PIK3CB: variants seen among roughly 807,000 people sequenced by gnomAD.
PIK3CB encodes the protein phosphatidylinositol-4,5-bisphosphate 3-kinase catalytic subunit beta.
A neutral mutation model predicts 136.8 loss-of-function variants in PIK3CB; 39 were observed. That is an observed-to-expected ratio of 0.29 (90% confidence interval 0.22 to 0.37). The LOEUF is 0.37. Ranked by LOEUF, PIK3CB falls within the 10% of genes least tolerant of loss-of-function variation. PIK3CB has a pLI of 1.00. For synonymous variants in PIK3CB, 428 were observed against 436.6 expected, an observed-to-expected ratio of 0.98 and a Z score of 0.25; for missense variants, 868 against 1,275.4, an observed-to-expected ratio of 0.68 and a Z score of 4.87.
chr3:138,658,304 G>T (rs530369022), intron 21 of PIK3CB, among the ~76,000 whole-genome samples: 59 of 152,132 alleles, frequency 3.9e-4, no homozygotes, highest in African/African-American at 1.3e-3. Context: ...GAAAAAATTA[G>T]TCAGGCATAG....
chr3:138,667,463 G>A (rs937247017), intron 19 of PIK3CB, among the ~76,000 whole-genome samples: 4 of 151,988 alleles, frequency 2.6e-5, no homozygotes, highest in Non-Finnish European at 5.9e-5. Context: ...GAGTGTGTTA[G>A]CATGTATCAC....
At chr3:138,775,886 A>T (rs2045852193) in intron 2 of PIK3CB, among the ~76,000 whole-genome samples, 2 of 152,210 alleles carry the variant, frequency 1.3e-5, no homozygotes, top group South Asian at 4.1e-4. Flanking sequence ...CCTCAAATAT[A>T]GCATTCTTTT....
intron 8 of PIK3CB, among the ~76,000 whole-genome samples, chr3:138,723,657 C>CA (rs1194152206): frequency 6.6e-6 from 1 of 152,118 alleles, no homozygotes; most frequent in Non-Finnish European, 1.5e-5. Context: ...ATTAGGAGAG[C>CA]AAAAGAAGTC....
At chr3:138,830,092 C>G (rs956471872) in intron 1 of PIK3CB, among the ~76,000 whole-genome samples, 1 of 152,070 alleles carries the variant, frequency 6.6e-6, no homozygotes, top group African/African-American at 2.4e-5. Flanking sequence ...AGCCCTGGGG[C>G]ATTAGAATGT....
At chr3:138,784,162 G>C (rs186142008) in intron 2 of PIK3CB, among the ~76,000 whole-genome samples, 37 of 152,286 alleles carry the variant, frequency 2.4e-4, no homozygotes, top group Admixed American at 1.8e-3. Flanking sequence ...AAGACAAGTG[G>C]ATCACCTGAG....
chr3:138,800,483 C>T (rs113161720), intron 1 of PIK3CB, among the ~76,000 whole-genome samples: 32 of 151,464 alleles, frequency 2.1e-4, no homozygotes, highest in East Asian at 3.9e-4. Flanking sequence ...CCACCACACC[C>T]GACTTTTTTT....
In PIK3CB at chr3:138,653,395, T is replaced by C. The variant is rs2043146518; in HGVS notation, c.*1994A>G. The C allele has an allele frequency of 1.7e-5, 3 of 175,124 alleles. No homozygotes were observed. Among genetic ancestry groups the C allele is most frequent in the Non-Finnish European group, 3.7e-5 (3 of 81,174 alleles). 10.8% of individuals were successfully genotyped at this position (175,124 alleles called of 1,614,324 possible). On this transcript the variant is annotated 3_prime_UTR_variant, in exon 24 of 24. Coordinates refer to ENST00000674063, the MANE Select transcript of PIK3CB (RefSeq NM_006219.3). ...CAGGAAAGATACAATTTGGTGCCCA[T>C]ATGGGAAAAACAGTTGACTTGAACT...
chr3:138,691,569 G>GT (rs1197819575), intron 14 of PIK3CB, among the ~76,000 whole-genome samples: 1 of 152,118 alleles, frequency 6.6e-6, no homozygotes, highest in East Asian at 1.9e-4. Context: ...ATAAGAGGTG[G>GT]TTTCCCCTGC....
intron 6 of PIK3CB, 134 bp from the exon 7 acceptor site, chr3:138,734,938 ATTAAAAAAAAAAAATTTTTTTTTTTT>A: frequency 4.0e-6 from 2 of 501,804 alleles, no homozygotes; most frequent in South Asian, 1.7e-4. Context: ...ATATCAAGAA[ATTAAAAAAAAAAAATTTTTTTTTTTT>A]TTTTTTGAGA....
At chr3:138,668,662 G>GC (rs765494582) in intron 19 of PIK3CB, among the ~76,000 whole-genome samples, 200 of 152,310 alleles carry the variant, frequency 1.3e-3, no homozygotes, top group Non-Finnish European at 1.9e-3. Context: ...CAGGTATATA[G>GC]CAAGTTATCT....
Position 138,690,406 on chromosome 3 carries a change from C to T in PIK3CB, c.2036+594G>A, listed in dbSNP as rs114992962. On this transcript the variant is annotated intron_variant, in intron 15 of 23. Transcript: ENST00000674063. ...GTCAGAAATGAGAAATCTATTAATA[C>T]AATTTCCTTAGAAAACAAAGGAATA... is the stretch of plus-strand genomic sequence containing the variant. 7.0e-3 allele frequency among the ~76,000 whole-genome samples: 1,068 copies of T among 151,896 alleles called. 13 individuals are homozygous for T. Among genetic ancestry groups the T allele is most frequent in the African/African-American group, 0.025 (1,020 of 41,458 alleles).
intron 11 of PIK3CB, among the ~76,000 whole-genome samples, chr3:138,705,191 A>AAAAAAAAAAAAAAAC (rs2044350451): frequency 1.1e-5 from 1 of 93,500 alleles, no homozygotes; most frequent in African/African-American, 5.4e-5. Flanking sequence ...CAAAACAAAC[A>AAAAAAAAAAAAAAAC]AAAAAAAAAA....
chr3:138,709,335 A>C (rs1324363292), intron 10 of PIK3CB, among the ~76,000 whole-genome samples: 1 of 149,464 alleles, frequency 6.7e-6, no homozygotes, highest in Non-Finnish European at 1.5e-5. Context: ...GGGGAAAAAC[A>C]GTTCTCTACA....
At chr3:138,706,923 TGGGATTACA>T (rs567818307) in intron 11 of PIK3CB, among the ~76,000 whole-genome samples, 24 of 152,348 alleles carry the variant, frequency 1.6e-4, no homozygotes, top group African/African-American at 5.0e-4. Context: ...CCCAAAGTGC[TGGGATTACA>T]GGCGTGAACC....
intron 19 of PIK3CB, among the ~76,000 whole-genome samples, chr3:138,678,968 A>G: frequency 6.6e-6 from 1 of 152,136 alleles, no homozygotes; most frequent in Non-Finnish European, 1.5e-5. Flanking sequence ...CGGGAGGCTG[A>G]GGTATGAGAA....
At chr3:138,713,071 T>C (rs992422745) in intron 9 of PIK3CB, among the ~76,000 whole-genome samples, 4 of 152,086 alleles carry the variant, frequency 2.6e-5, no homozygotes, top group Admixed American at 2.0e-4. Context: ...GTATCAAAAA[T>C]CTTATAATCA....
chr3:138,779,388 CTT>C lies in PIK3CB; in HGVS notation c.-17+17073_-17+17074del, dbSNP rs753018315. 5.0e-4 allele frequency among the ~76,000 whole-genome samples: 56 copies of C among 112,026 alleles called. 1 individual carries two copies. The highest frequency in any genetic ancestry group is 3.0e-3 in the Admixed American group (27 of 9,120). 73.5% of individuals were successfully genotyped at this position (112,026 alleles called of 152,430 possible). On this transcript the variant is annotated intron_variant, in intron 2 of 23. Transcript: ENST00000674063. ...GGCGTGAGCCACCACGCCCGGCCTTCTTTTTTTTTTTTTTTTTTTTGAGACAG... is the reference window on the plus strand; with the variant it reads ...GGCGTGAGCCACCACGCCCGGCCTTCTTTTTTTTTTTTTTTTTTGAGACAG...
At chr3:138,730,197 C>A (rs2044940283) in intron 8 of PIK3CB, among the ~76,000 whole-genome samples, 1 of 152,094 alleles carries the variant, frequency 6.6e-6, no homozygotes, top group African/African-American at 2.4e-5. Context: ...TCATTAAGCC[C>A]ATTAATCCTC....
intron 2 of PIK3CB, among the ~76,000 whole-genome samples, chr3:138,766,823 C>T (rs2045737872): frequency 6.6e-6 from 1 of 152,156 alleles, no homozygotes; most frequent in Non-Finnish European, 1.5e-5. Flanking sequence ...AGGAGTAAAT[C>T]ATCAGAGGGA....
Sources: gnomAD v4.1 joint callset for allele counts (sites outside exome capture counted in the v4.1 genomes callset) on GRCh38, gnomAD v4.1.1 for gene constraint, MANE v1.5 for transcripts, NCBI Gene and HGNC (gene_info 2026-07-23, HGNC 2026-07-21) for gene names.